The following LRP1B variants were observed in gnomAD, a reference collection of about 807,000 sequenced individuals.
The protein encoded by LRP1B is LDL receptor related protein 1B, also known as low-density lipoprotein receptor-related protein 1B.
LRP1B carries 217 observed loss-of-function variants against 556.6 expected under a neutral mutation model. That is an observed-to-expected ratio of 0.39 (90% CI 0.35 to 0.44). The LOEUF (loss-of-function observed/expected upper bound fraction) is 0.44, where lower values mean the gene tolerates loss of function less well. Ranked by LOEUF, LRP1B falls within the 20% of genes least tolerant of loss-of-function variation. The probability of loss-of-function intolerance (pLI) is 1.00; values close to 1 mark genes in which losing one functional copy is unlikely to be tolerated. For synonymous variants in LRP1B, 2,047 were observed against 1,865.8 expected, an observed-to-expected ratio of 1.10 and a Z score of -2.50; for missense variants, 5,053 against 5,620.8, an observed-to-expected ratio of 0.90 and a Z score of 3.23.
chr2:140,319,771 C>CACTTGATTCTCTT (rs1329125746), intron 82 of LRP1B, among the ~76,000 whole-genome samples: 4 of 152,098 alleles, frequency 2.6e-5, no homozygotes, highest in Non-Finnish European at 5.9e-5. Flanking sequence ...TGGAAATGTT[C>CACTTGATTCTCTT]ACTTGATTCT....
At chr2:141,968,763 T>C (rs1393956023) in intron 1 of LRP1B, among the ~76,000 whole-genome samples, 1 of 151,776 alleles carries the variant, frequency 6.6e-6, no homozygotes, top group East Asian at 1.9e-4. Flanking sequence ...CCCCTTGCTC[T>C]GGTTTGGTGG....
chr2:140,665,994 ATT>A (rs201186602), intron 41 of LRP1B, among the ~76,000 whole-genome samples: 12,753 of 144,268 alleles, frequency 0.088, 678 homozygotes, highest in East Asian at 0.25. Context: ...AAAAAAAAAA[ATT>A]TTTTTTTTTT....
At chr2:140,444,900 A>T (rs1340823350) in intron 63 of LRP1B, among the ~76,000 whole-genome samples, 5 of 152,200 alleles carry the variant, frequency 3.3e-5, no homozygotes, top group African/African-American at 1.2e-4. Context: ...TTTAGAAGAT[A>T]GGAATTAATA....
At chr2:141,165,904 C>T (rs1680231257) in intron 7 of LRP1B, among the ~76,000 whole-genome samples, 2 of 151,968 alleles carry the variant, frequency 1.3e-5, no homozygotes, top group Admixed American at 6.6e-5. Context: ...AAGTCTTAAG[C>T]CATAGCTATT....
intron 2 of LRP1B, among the ~76,000 whole-genome samples, chr2:141,542,428 T>A (rs1685294519): frequency 6.6e-6 from 1 of 152,006 alleles, no homozygotes. Flanking sequence ...AACATGAGAT[T>A]GTATGGCTAA....
chr2:141,299,357 G>T (rs936393119), intron 3 of LRP1B, among the ~76,000 whole-genome samples: 2 of 152,066 alleles, frequency 1.3e-5, no homozygotes, highest in Admixed American at 6.6e-5. Context: ...TATATGTTAA[G>T]AATTTTTGAT....
chr2:141,108,334 CT>C (rs60275697), intron 7 of LRP1B, among the ~76,000 whole-genome samples: 24,214 of 88,806 alleles, frequency 0.27, 3,149 homozygotes, highest in East Asian at 0.6. Flanking sequence ...TAATCTGTTT[CT>C]TTTTTTTTTT....
chr2:140,824,702 T>C (rs1691445242), intron 31 of LRP1B, among the ~76,000 whole-genome samples: 2 of 152,126 alleles, frequency 1.3e-5, no homozygotes, highest in South Asian at 2.1e-4. Context: ...CTTTAATATG[T>C]TTTTTATTCC....
At chr2:140,357,831 A>G in intron 74 of LRP1B, 148 bp downstream of exon 74, 1 of 826,138 alleles carries the variant, frequency 1.2e-6, no homozygotes, top group Non-Finnish European at 1.8e-6. Flanking sequence ...GTAATATTCT[A>G]ATGTTGCTTT....
chr2:141,892,195 G>GA (rs1363246804), intron 1 of LRP1B, among the ~76,000 whole-genome samples: 2 of 151,536 alleles, frequency 1.3e-5, no homozygotes, highest in African/African-American at 4.8e-5. Context: ...TACAAAACAA[G>GA]ATGAAAGAAG....
At chr2:142,115,997 A>T (rs1007099581) in intron 1 of LRP1B, among the ~76,000 whole-genome samples, 69 of 143,972 alleles carry the variant, frequency 4.8e-4, no homozygotes, top group African/African-American at 1.7e-3. Flanking sequence ...CGGGTGAATC[A>T]TTTGAGGTCA....
chr2:140,636,564 A>G (rs1253131759), intron 41 of LRP1B, among the ~76,000 whole-genome samples: 1 of 152,138 alleles, frequency 6.6e-6, no homozygotes, highest in Non-Finnish European at 1.5e-5. Context: ...CTCATTGTCT[A>G]TTCTTTAGCA....
chr2:141,712,836 ATT>A (rs1192189235), intron 2 of LRP1B, among the ~76,000 whole-genome samples: 69 of 103,332 alleles, frequency 6.7e-4, no homozygotes, highest in African/African-American at 2.5e-3. Flanking sequence ...TGCCCAGCTA[ATT>A]TTTTTTTTTT....
intron 1 of LRP1B, among the ~76,000 whole-genome samples, chr2:142,076,523 T>C (rs1265039778): frequency 3.3e-5 from 5 of 152,126 alleles, no homozygotes; most frequent in African/African-American, 1.2e-4. Context: ...TTCATCCATC[T>C]CATGTTTCAT....
At chr2:140,483,702 A>G (rs1688350711) in intron 59 of LRP1B, among the ~76,000 whole-genome samples, 1 of 140,558 alleles carries the variant, frequency 7.1e-6, no homozygotes, top group African/African-American at 2.7e-5. Flanking sequence ...ATGCAGTGGC[A>G]TGATCTCTGC....
intron 20 of LRP1B, among the ~76,000 whole-genome samples, chr2:140,930,756 T>C (rs1695023735): frequency 6.6e-6 from 1 of 152,142 alleles, no homozygotes; most frequent in South Asian, 2.1e-4. Context: ...GAGCTCCCCA[T>C]TATAATCACC....
Position 141,095,356 on chromosome 2 carries a change from G to T in LRP1B, c.1014-33083C>A, listed in dbSNP as rs1700271746. On this transcript the variant is annotated intron_variant, in intron 7 of 90. Transcript: ENST00000389484. Reference sequence around the variant, plus strand: ...AGCCATGTGATAGGTTCTCTTTAGAGAAACAATGTGAGTTACCAAAAAGCA... The same window carrying T: ...AGCCATGTGATAGGTTCTCTTTAGATAAACAATGTGAGTTACCAAAAAGCA... 5.2e-5 allele frequency among the ~76,000 whole-genome samples: 3 copies of T among 58,100 alleles called. No individual in the cohort carries two copies. In the South Asian group the frequency reaches 1.5e-3, roughly 29 times the overall value. 38.1% of individuals were successfully genotyped at this position (58,100 alleles called of 152,430 possible).
At chr2:141,480,900 A>AAACT (rs1289119836) in intron 2 of LRP1B, among the ~76,000 whole-genome samples, 1 of 152,194 alleles carries the variant, frequency 6.6e-6, no homozygotes, top group Non-Finnish European at 1.5e-5. Flanking sequence ...CCTCAGCTGT[A>AAACT]AACTATGGAT....
chr2:140,648,120 TGA>T, intron 41 of LRP1B, among the ~76,000 whole-genome samples: 1 of 152,208 alleles, frequency 6.6e-6, no homozygotes, highest in South Asian at 2.1e-4. Context: ...TAGAAAAGGA[TGA>T]GTTCACGTCC....
Sources: gnomAD v4.1 joint callset for allele counts (sites outside exome capture counted in the v4.1 genomes callset) on GRCh38, gnomAD v4.1.1 for gene constraint, MANE v1.5 for transcripts, NCBI Gene and HGNC (gene_info 2026-07-23, HGNC 2026-07-21) for gene names.